OGDH: variants seen among roughly 807,000 people sequenced by gnomAD.
OGDH encodes 2-oxoglutarate dehydrogenase complex component E1.
In OGDH, 38 loss-of-function variants were observed where a neutral mutation model predicts 116.6. That is an observed-to-expected ratio of 0.33 (90% CI 0.25 to 0.43). The LOEUF is 0.43. Ranked by LOEUF, OGDH falls within the 20% of genes least tolerant of loss-of-function variation. The pLI is 1.00. For synonymous variants in OGDH, 488 were observed against 533.3 expected (o/e 0.92, Z 1.17); for missense variants, 825 against 1,357.2 (o/e 0.61, Z 6.16).
chr7:44,658,346 T>A (rs1466871833), intron 4 of OGDH, among the ~76,000 whole-genome samples: 1 of 152,180 alleles, frequency 6.6e-6, no homozygotes, highest in Admixed American at 6.5e-5. Flanking sequence ...AACTATTATT[T>A]TCTTTTTTAA....
At chr7:44,657,666 G>A (rs946563392) in intron 4 of OGDH, among the ~76,000 whole-genome samples, 3 of 151,968 alleles carry the variant, frequency 2.0e-5, no homozygotes, top group African/African-American at 7.3e-5. Flanking sequence ...TTCCTTTTAT[G>A]GATTGTGCTT....
intron 2 of OGDH, among the ~76,000 whole-genome samples, chr7:44,643,279 G>A (rs1344106344): frequency 6.6e-6 from 1 of 152,028 alleles, no homozygotes; most frequent in Non-Finnish European, 1.5e-5. Context: ...CCCAGCTACA[G>A]TGGTTTTTAG....
At chr7:44,675,126 C>G (rs980557035) in intron 7 of OGDH, 52 bp from the exon 8 acceptor site, 3 of 1,469,180 alleles carry the variant, frequency 2.0e-6, no homozygotes, top group Non-Finnish European at 2.9e-6. Context: ...CATCTGCCAT[C>G]TGGAAACCAT....
chr7:44,679,956 A>C lies in OGDH; in HGVS notation c.1207-1764A>C, dbSNP rs141803911. The stretch of plus-strand genomic sequence containing the variant: ...CCAGGCACGATGACTCATGCCTGTA[A>C]TCCCAGCACTTTGGGAGGCTGAGGC... On this transcript the variant is annotated intron_variant, in intron 9 of 22. Coordinates refer to ENST00000222673, the MANE Select transcript of OGDH (RefSeq NM_002541.4). Among the ~76,000 whole-genome samples, 1,020 of 152,304 alleles carry C rather than the reference A, an allele frequency of 6.7e-3. 10 individuals carry two copies. The highest frequency in any genetic ancestry group is 0.016 in the Admixed American group (237 of 15,286).
Position 44,700,235 on chromosome 7 carries a change from T to C in OGDH, c.2525T>C (p.Leu842Pro). The C allele has an allele frequency of 6.2e-7, 1 of 1,614,222 alleles. No homozygotes were observed. Among genetic ancestry groups the C allele is most frequent in the Non-Finnish European group, 8.5e-7 (1 of 1,180,042 alleles). The change falls in exon 19 of 23, where the codon CTA (leucine) becomes CCA (proline). Residue 842 changes from leucine to proline, a missense_variant. Transcript: ENST00000222673. ...CSTPGNFFHVLRRQILLPFRK... is the reference protein window; with the variant it reads ...CSTPGNFFHVPRRQILLPFRK... ...ACTCCTGGCAACTTCTTCCACGTGCTACGACGCCAGATCCTGCTGCCATTC... is the reference window on the plus strand; with the variant it reads ...ACTCCTGGCAACTTCTTCCACGTGCCACGACGCCAGATCCTGCTGCCATTC...
At chr7:44,672,114 A>G (rs552307231) in intron 5 of OGDH, among the ~76,000 whole-genome samples, 1 of 152,184 alleles carries the variant, frequency 6.6e-6, no homozygotes, top group African/African-American at 2.4e-5. Context: ...AACCTTAAAT[A>G]CTAGGGTCTT....
chr7:44,663,005 A>G (rs906262709), intron 4 of OGDH, among the ~76,000 whole-genome samples: 41 of 152,140 alleles, frequency 2.7e-4, no homozygotes, highest in African/African-American at 9.4e-4. Context: ...GTTTTTAGCT[A>G]AGTACCTTTT....
At chr7:44,706,521 A>C (rs1168860916) in intron 20 of OGDH, among the ~76,000 whole-genome samples, 1 of 150,868 alleles carries the variant, frequency 6.6e-6, no homozygotes, top group African/African-American at 2.4e-5. Flanking sequence ...GGGTTTCACC[A>C]TGTTGGTCAG....
rs1288188659 is a variant in OGDH at position 44,707,492 on chromosome 7, C to G, written c.2797-90C>G. The stretch of plus-strand genomic sequence containing the variant: ...GGGGTGTGGCCCTCAGGTTCCTGAC[C>G]TTCCCTGCTCGGAACACCAGTTTCC... On this transcript the variant is annotated intron_variant, in intron 21 of 22. Coordinates refer to ENST00000222673, the MANE Select transcript of OGDH (RefSeq NM_002541.4). This position sits in a 1 kb window ranked among gnomAD's most constrained non-coding sequence, Gnocchi z 5.2. 6.3e-7 allele frequency: 1 copy of G among 1,593,650 alleles called. No individual in the cohort carries two copies. The highest frequency in any genetic ancestry group is 1.3e-5 in the African/African-American group (1 of 74,436).
intron 4 of OGDH, among the ~76,000 whole-genome samples, chr7:44,661,360 G>A (rs1347434839): frequency 6.6e-6 from 1 of 151,816 alleles, no homozygotes; most frequent in Non-Finnish European, 1.5e-5. Flanking sequence ...AGTTTCTTGT[G>A]GATAAGCATA....
At chr7:44,688,429 TA>T (rs1788225398) in intron 10 of OGDH, among the ~76,000 whole-genome samples, 1 of 95,196 alleles carries the variant, frequency 1.1e-5, no homozygotes, top group Non-Finnish European at 1.9e-5. Flanking sequence ...TGTTTATATA[TA>T]CTTTTTTTTT....
chr7:44,701,360 G>A (rs553337361), intron 19 of OGDH, among the ~76,000 whole-genome samples, 183 bp from the exon 20 acceptor site: 1 of 152,256 alleles, frequency 6.6e-6, no homozygotes, highest in East Asian at 1.9e-4. Context: ...GTGAACAGCA[G>A]GGAAATTGGT....
At chr7:44,626,806 C>T (rs557122044) in intron 2 of OGDH, among the ~76,000 whole-genome samples, 7 of 152,240 alleles carry the variant, frequency 4.6e-5, no homozygotes, top group African/African-American at 7.2e-5. Flanking sequence ...CACATGCATG[C>T]TCTGCCCCTC....
At chr7:44,684,120 A>C (rs1788036578) in intron 10 of OGDH, among the ~76,000 whole-genome samples, 1 of 152,182 alleles carries the variant, frequency 6.6e-6, no homozygotes, top group Admixed American at 6.5e-5. Flanking sequence ...GCATCAGATC[A>C]AGTCAGGAGA....
rs527278933 is a variant in OGDH, at chr7:44,696,642, C to T, written c.1900+85C>T. ...TCTAGGACTGTGACCTTGGCCCCCACCCATCATGTGTCCTACAGAGACTCC... is the reference window on the plus strand; with the variant it reads ...TCTAGGACTGTGACCTTGGCCCCCATCCATCATGTGTCCTACAGAGACTCC... On this transcript the variant is annotated intron_variant, in intron 14 of 22. Coordinates refer to ENST00000222673, the MANE Select transcript of OGDH (RefSeq NM_002541.4). 8.2e-5 allele frequency: 119 copies of T among 1,452,400 alleles called. No individual in the cohort carries two copies. The East Asian group carries it at 2.7e-3, about 33-fold the overall frequency. The allele number at this position is 1,452,400 out of a possible 1,614,324, so 90.0% of individuals were successfully genotyped here.
At chr7:44,676,822 A>G (rs1003660961) in intron 9 of OGDH, among the ~76,000 whole-genome samples, 1 of 151,982 alleles carries the variant, frequency 6.6e-6, no homozygotes, top group East Asian at 1.9e-4. Flanking sequence ...AAAGGAGGGG[A>G]GTCTGAGAGT....
chr7:44,658,105 A>G (rs1015122273), intron 4 of OGDH, among the ~76,000 whole-genome samples: 8 of 152,154 alleles, frequency 5.3e-5, no homozygotes, highest in African/African-American at 1.9e-4. Context: ...CCTTCTCCAT[A>G]TAAATTTGAG....
At chr7:44,612,562 T>C (rs1469861979) in intron 1 of OGDH, among the ~76,000 whole-genome samples, 1 of 151,882 alleles carries the variant, frequency 6.6e-6, no homozygotes, top group African/African-American at 2.4e-5. Context: ...TTTTTTTATT[T>C]TTAGTAGAGA....
intron 1 of OGDH, among the ~76,000 whole-genome samples, chr7:44,610,570 G>A (rs1268450484): frequency 6.6e-6 from 1 of 151,940 alleles, no homozygotes; most frequent in African/African-American, 2.4e-5. Flanking sequence ...CCAGAGTGCT[G>A]GGATTACAGG....
Sources: allele counts gnomAD v4.1 joint callset (sites outside exome capture counted in the v4.1 genomes callset), GRCh38; gene constraint gnomAD v4.1.1; non-coding constraint Gnocchi (gnomAD v3.1); transcripts MANE v1.5; gene names NCBI Gene and HGNC (gene_info 2026-07-23, HGNC 2026-07-21).